The following ACCSL variants were observed in gnomAD, a reference collection of about 807,000 sequenced individuals.
The protein encoded by ACCSL is probable inactive 1-aminocyclopropane-1-carboxylate synthase-like protein 2.
A neutral mutation model predicts 61.7 loss-of-function variants in ACCSL; 55 were observed. The ratio of observed to expected loss-of-function variants is 0.89; its 90% CI spans 0.72 to 1.12. The LOEUF is 1.12. Among genes scored for constraint, ACCSL ranks in the 50% most tolerant of loss-of-function variants. The pLI, the probability that ACCSL is intolerant of heterozygous loss-of-function variation, is 0.00. For missense variants in ACCSL, 632 were observed against 698.0 expected (o/e 0.91, Z 1.07); for synonymous variants, 258 against 264.3 (o/e 0.98, Z 0.23).
chr11:44,041,219 T>C, the ACCSL span, among the ~76,000 whole-genome samples: 2 of 152,352 alleles, frequency 1.3e-5, no homozygotes, highest in African/African-American at 4.8e-5. Flanking sequence ...CTAAATTCAA[T>C]GGACTGTAAT....
At chr11:44,047,251 A>T (rs1046382082), upstream of ACCSL, among the ~76,000 whole-genome samples, 1 of 152,184 alleles carries the variant, frequency 6.6e-6, no homozygotes, top group Non-Finnish European at 1.5e-5. Flanking sequence ...CAGCTGTCAC[A>T]GTGAGTAGGT....
At chr11:44,030,395 C>T in the ACCSL span, among the ~76,000 whole-genome samples, 1 of 151,694 alleles carries the variant, frequency 6.6e-6, no homozygotes, top group Non-Finnish European at 1.5e-5. Context: ...GGCCCCCTCC[C>T]CTCCATCCCT....
At chr11:44,003,119 G>T in the ACCSL span, among the ~76,000 whole-genome samples, 1 of 152,186 alleles carries the variant, frequency 6.6e-6, no homozygotes, top group Admixed American at 6.5e-5. Flanking sequence ...TTGCAGAAAA[G>T]TAATTGCATT....
chr11:44,056,959 C>T (rs1433503348), intron 11 of ACCSL, among the ~76,000 whole-genome samples: 1 of 152,238 alleles, frequency 6.6e-6, no homozygotes, highest in Non-Finnish European at 1.5e-5. Flanking sequence ...AGAAATTAGT[C>T]TTTATGTGAA....
the ACCSL span, among the ~76,000 whole-genome samples, chr11:43,930,986 C>T: frequency 3.3e-5 from 5 of 152,206 alleles, no homozygotes; most frequent in South Asian, 2.1e-4. Context: ...AGCCACACTC[C>T]GTGGTCTGAA....
In ACCSL at chr11:44,052,753, G is replaced by C; in HGVS notation, c.864G>C (p.Glu288Asp). The part of the protein sequence containing the change: ...AKVELIPVHL[E>D]SEVTVTNTHP... ...TTGAGTTGATTCCTGTCCACCTGGA[G>C]AGTGAGGTCTGAATGGGGCCCCTTC... The change falls in exon 6 of 14, where the codon GAG becomes GAC. Residue 288 changes from glutamate to aspartate, a missense_variant. Glu to Asp is a conservative substitution (Grantham distance 45, BLOSUM62 2). Transcript: ENST00000378832. 1 of 1,614,072 alleles carries C rather than the reference G, an allele frequency of 6.2e-7. No homozygotes were observed. Among genetic ancestry groups the C allele is most frequent in the Non-Finnish European group, 8.5e-7 (1 of 1,179,972 alleles).
chr11:43,994,846 G>C, the ACCSL span, among the ~76,000 whole-genome samples: 1 of 151,994 alleles, frequency 6.6e-6, no homozygotes, highest in Non-Finnish European at 1.5e-5. Flanking sequence ...TGTTGCCCAG[G>C]CTGGTCTTAA....
the ACCSL span, among the ~76,000 whole-genome samples, chr11:43,941,164 T>G: frequency 9.8e-5 from 15 of 152,324 alleles, no homozygotes; most frequent in Admixed American, 2.6e-4. Flanking sequence ...GGTGGCAGCT[T>G]AAATATCCAG....
At chr11:43,952,452 C>T in the ACCSL span, among the ~76,000 whole-genome samples, 1 of 152,216 alleles carries the variant, frequency 6.6e-6, no homozygotes, top group Non-Finnish European at 1.5e-5. Context: ...AGGCAGGCAG[C>T]CCGGTGCTGC....
At chr11:43,996,094 C>T in the ACCSL span, among the ~76,000 whole-genome samples, 1 of 152,308 alleles carries the variant, frequency 6.6e-6, no homozygotes, top group Non-Finnish European at 1.5e-5. Flanking sequence ...AGGTCTGAGG[C>T]TCCCAGAAGC....
At chr11:44,024,178 G>A in the ACCSL span, among the ~76,000 whole-genome samples, 112 of 152,306 alleles carry the variant, frequency 7.4e-4, 1 homozygote, top group Non-Finnish European at 1.3e-3. Flanking sequence ...AGAGGAAGGA[G>A]GGATTCACTT....
the ACCSL span, among the ~76,000 whole-genome samples, chr11:43,989,602 C>T: frequency 6.6e-6 from 1 of 152,218 alleles, no homozygotes; most frequent in Non-Finnish European, 1.5e-5. Context: ...CCCATAAATC[C>T]CCATATCCTG....
chr11:44,038,527 T>C, the ACCSL span, among the ~76,000 whole-genome samples: 1 of 152,132 alleles, frequency 6.6e-6, no homozygotes, highest in Non-Finnish European at 1.5e-5. Flanking sequence ...AGAGGCAGCA[T>C]GTGCAAAGGC....
chr11:43,936,262 GA>G, the ACCSL span, among the ~76,000 whole-genome samples: 134 of 152,310 alleles, frequency 8.8e-4, no homozygotes, highest in African/African-American at 3.1e-3. Context: ...TTTAAATTGT[GA>G]GTCAGGCAGG....
At chr11:43,979,846 CAAA>C in the ACCSL span, among the ~76,000 whole-genome samples, 1 of 50,814 alleles carries the variant, frequency 2.0e-5, no homozygotes, top group Non-Finnish European at 4.4e-5. Context: ...GACTCTGTCT[CAAA>C]AAAAAAAAAA....
chr11:44,012,465 T>G, the ACCSL span, among the ~76,000 whole-genome samples: 5 of 152,104 alleles, frequency 3.3e-5, no homozygotes, highest in African/African-American at 4.8e-5. Context: ...TTTTGTATTT[T>G]TCGTAGAAAC....
the ACCSL span, among the ~76,000 whole-genome samples, chr11:43,928,837 C>T: frequency 3.9e-5 from 6 of 152,232 alleles, no homozygotes; most frequent in African/African-American, 1.4e-4. Context: ...GCTGCCTTTC[C>T]GATATTCTTC....
At chr11:44,003,948 G>T in the ACCSL span, among the ~76,000 whole-genome samples, 1 of 152,206 alleles carries the variant, frequency 6.6e-6, no homozygotes, top group Non-Finnish European at 1.5e-5. Flanking sequence ...GTAGCAGGGA[G>T]CTGTTCCCCC....
chr11:43,977,804 A>T, the ACCSL span, among the ~76,000 whole-genome samples: 7,342 of 152,202 alleles, frequency 0.048, 294 homozygotes, highest in Non-Finnish European at 0.068. Context: ...CTGGGTTTGA[A>T]TCCTGACCTC....
Sources: gnomAD v4.1 joint callset for allele counts (sites outside exome capture counted in the v4.1 genomes callset) on GRCh38, gnomAD v4.1.1 for gene constraint, MANE v1.5 for transcripts, NCBI Gene and HGNC (gene_info 2026-07-23, HGNC 2026-07-21) for gene names.